DDR2: variants seen among roughly 807,000 people sequenced by gnomAD.
The protein encoded by DDR2 is discoidin domain-containing receptor 2.
DDR2 carries 27 observed loss-of-function variants against 94.9 expected under a neutral mutation model. That is an observed-to-expected ratio of 0.28 (90% CI 0.21 to 0.39). The LOEUF (loss-of-function observed/expected upper bound fraction) is 0.39. DDR2 is among the 10% of genes least tolerant of loss of function. The pLI is 1.00. For synonymous variants in DDR2, 382 were observed against 377.2 expected (o/e 1.01, Z -0.15); for missense variants, 783 against 1,076.0 (o/e 0.73, Z 3.81).
At chr1:162,672,755 G>A (rs968143117) in intron 2 of DDR2, among the ~76,000 whole-genome samples, 2 of 152,130 alleles carry the variant, frequency 1.3e-5, no homozygotes, top group African/African-American at 4.8e-5. Context: ...CATTAATCAT[G>A]AGATACAGTT....
At position 162,778,698 on chromosome 1, in the gene DDR2, C is replaced by T. The variant is rs565955901; in HGVS notation, c.2402C>T (p.Thr801Ile). The T allele has an allele frequency of 2.9e-5, 46 of 1,613,904 alleles. No individual in the cohort carries two copies. In the South Asian group the frequency reaches 5.1e-4, roughly 18 times the overall value. Residue 801 changes from threonine (T) to isoleucine (I), a missense_variant, in exon 17 of 18, where the codon ACT becomes ATT. By Grantham distance (89) the Thr-to-Ile change is moderately conservative. Around this residue, in one of 2 missense-constraint regions of DDR2, gnomAD observed 264 missense variants for 428.2 expected, o/e 0.62. Transcript: ENST00000367921. ...QLSDEQVIEN[T>I]GEFFRDQGRQ... is the part of the protein sequence containing the mutation. Reference sequence around the variant, plus strand: ...TCAGATGAACAGGTTATTGAGAATACTGGAGAGTTCTTCCGAGACCAAGGG... The same window carrying T: ...TCAGATGAACAGGTTATTGAGAATATTGGAGAGTTCTTCCGAGACCAAGGG...
chr1:162,726,032 T>C (rs1408038447), intron 3 of DDR2, among the ~76,000 whole-genome samples: 2 of 152,208 alleles, frequency 1.3e-5, no homozygotes, highest in Non-Finnish European at 2.9e-5. Context: ...TGGACGAGCA[T>C]GGTCAGAGTT....
At chr1:162,650,941 G>A (rs1003220375) in intron 1 of DDR2, among the ~76,000 whole-genome samples, 1 of 151,992 alleles carries the variant, frequency 6.6e-6, no homozygotes, top group African/African-American at 2.4e-5. Flanking sequence ...GTTGGCCAAG[G>A]TGGTCTTGAA....
chr1:162,647,267 A>G (rs983245449), intron 1 of DDR2, among the ~76,000 whole-genome samples: 2 of 152,188 alleles, frequency 1.3e-5, no homozygotes, highest in Non-Finnish European at 2.9e-5. Context: ...TCTAAAACTA[A>G]AGTCAATTGA....
chr1:162,689,830 C>A, intron 2 of DDR2, among the ~76,000 whole-genome samples: 1 of 19,248 alleles, frequency 5.2e-5, no homozygotes. Flanking sequence ...ATGGTGAAAC[C>A]CCATCTCTAC....
chr1:162,749,992 G>A (rs1410863035), intron 3 of DDR2, among the ~76,000 whole-genome samples: 1 of 151,846 alleles, frequency 6.6e-6, no homozygotes, highest in Non-Finnish European at 1.5e-5. Context: ...AGTAAACTAG[G>A]TATTGATGGT....
intron 2 of DDR2, among the ~76,000 whole-genome samples, chr1:162,678,232 G>A (rs1185140625): frequency 7.9e-6 from 1 of 126,860 alleles, no homozygotes; most frequent in African/African-American, 2.8e-5. Flanking sequence ...ACCTACTAGT[G>A]TGACCTTGGG....
rs762182721 is a variant in DDR2 at position 162,754,710 on chromosome 1, T to C, written c.272T>C (p.Leu91Ser). Residue 91 changes from leucine to serine, a missense_variant, in exon 5 of 18, where the codon TTG becomes TCG. By Grantham distance (145) the Leu-to-Ser change is moderately radical (BLOSUM62 -2). This residue lies in a region of DDR2 where 519 missense variants were observed against 647.9 expected (regional missense o/e 0.80). Coordinates refer to ENST00000367921, the MANE Select transcript of DDR2 (RefSeq NM_006182.4). ...CTGAAGGAGTTTCTGCAGATTGACTTGCACACCCTCCATTTTATCACTCTG... is the reference window on the plus strand; with the variant it reads ...CTGAAGGAGTTTCTGCAGATTGACTCGCACACCCTCCATTTTATCACTCTG... ...DDLKEFLQID[L>S]HTLHFITLVG... is the part of the protein sequence containing the mutation. The C allele has an allele frequency of 6.2e-7, 1 of 1,614,086 alleles. No homozygotes were observed. The highest frequency in any genetic ancestry group is 1.1e-5 in the South Asian group (1 of 91,078).
chr1:162,661,104 C>T (rs10917583), intron 2 of DDR2, among the ~76,000 whole-genome samples: 122,274 of 152,194 alleles, frequency 0.8, 50,522 homozygotes, highest in Middle Eastern at 0.92. Context: ...CCAGGCAACC[C>T]ACAAAGGGTC....
At chr1:162,767,147 T>C (rs1259614968) in intron 10 of DDR2, 82 bp from the exon 11 acceptor site, 1 of 1,591,286 alleles carries the variant, frequency 6.3e-7, no homozygotes, top group East Asian at 2.2e-5. Context: ...AGGGTCTACC[T>C]CCATGTTTCC....
rs1489562336 is a variant in DDR2, at chr1:162,754,644, A to T, written c.206A>T (p.Asp69Val). 1 of 1,613,930 alleles carries T rather than the reference A, an allele frequency of 6.2e-7. No homozygotes were observed. The highest frequency in any genetic ancestry group is 2.2e-5 in the East Asian group (1 of 44,882). Residue 69 changes from aspartate to valine, a missense_variant, in exon 5 of 18, where the codon GAT becomes GTT. Asp to Val is a radical substitution (Grantham distance 152). This residue lies in a region of DDR2 where 519 missense variants were observed against 647.9 expected (regional missense o/e 0.80). Coordinates refer to ENST00000367921, the MANE Select transcript of DDR2 (RefSeq NM_006182.4). The part of the protein sequence containing the change: ...KYGRLDSEEG[D>V]GAWCPEIPVE... ...TCAAGGCTGGACTCAGAAGAAGGGG[A>T]TGGAGCCTGGTGCCCTGAGATTCCA...
intron 1 of DDR2, among the ~76,000 whole-genome samples, chr1:162,647,816 G>A (rs560034217): frequency 1.1e-4 from 17 of 152,292 alleles, no homozygotes; most frequent in African/African-American, 4.1e-4. Context: ...CACCATCTTG[G>A]TTTTGGTGGG....
chr1:162,713,935 G>T (rs1234833905), intron 2 of DDR2, among the ~76,000 whole-genome samples: 1 of 152,118 alleles, frequency 6.6e-6, no homozygotes, highest in African/African-American at 2.4e-5. Flanking sequence ...AGCAGAGTAT[G>T]AGAGTATGCA....
chr1:162,635,505 A>T (rs1352380709), intron 1 of DDR2, among the ~76,000 whole-genome samples: 1 of 152,168 alleles, frequency 6.6e-6, no homozygotes, highest in Non-Finnish European at 1.5e-5. Context: ...AGACATGCTA[A>T]CATTCTTGTG....
rs115136717 is a variant in DDR2, at chr1:162,733,834, C to T, written c.82+14689C>T. ...AAGCACAAGAGTAACAGAAAATCTC[C>T]GTTGGAGTTTGTTACTTAATAGAGC... On this transcript the variant is annotated intron_variant, in intron 3 of 17. Coordinates refer to ENST00000367921, the MANE Select transcript of DDR2 (RefSeq NM_006182.4). 8.8e-3 allele frequency among the ~76,000 whole-genome samples: 1,338 copies of T among 152,196 alleles called. 22 individuals are homozygous for T. The highest frequency in any genetic ancestry group is 0.031 in the African/African-American group (1,280 of 41,528).
chr1:162,750,859 G>A lies in DDR2; in HGVS notation c.83-2236G>A, dbSNP rs573173752. Among the ~76,000 whole-genome samples the A allele has an allele frequency of 5.3e-5, 8 of 152,260 alleles. No homozygotes were observed. In the South Asian group the frequency reaches 1.7e-3, roughly 32 times the overall value. On this transcript the variant is annotated intron_variant, in intron 3 of 17. Coordinates refer to ENST00000367921, the MANE Select transcript of DDR2 (RefSeq NM_006182.4). The stretch of plus-strand genomic sequence containing the variant: ...TAATACCACACATCTACAACCATCT[G>A]ATCTTTGACAAACCTGACAAAAACA...
At chr1:162,668,054 A>G (rs1282126838) in intron 2 of DDR2, among the ~76,000 whole-genome samples, 1 of 152,198 alleles carries the variant, frequency 6.6e-6, no homozygotes, top group African/African-American at 2.4e-5. Flanking sequence ...GGATAAGGCC[A>G]GTAGTAGGGT....
intron 11 of DDR2, among the ~76,000 whole-genome samples, chr1:162,768,946 C>T (rs543460646): frequency 1.1e-3 from 160 of 152,184 alleles, no homozygotes; most frequent in African/African-American, 3.6e-3. Flanking sequence ...TGAGGTATTC[C>T]AGAGTGAGGG....
At chr1:162,704,577 G>A (rs1329521622) in intron 2 of DDR2, among the ~76,000 whole-genome samples, 1 of 152,148 alleles carries the variant, frequency 6.6e-6, no homozygotes, top group Non-Finnish European at 1.5e-5. Context: ...GCAGATTCAG[G>A]GTCTGGTTAG....
Sources: allele counts gnomAD v4.1 joint callset (sites outside exome capture counted in the v4.1 genomes callset), GRCh38; gene constraint gnomAD v4.1.1; regional missense constraint gnomAD v4.1.1; transcripts MANE v1.5; gene names NCBI Gene and HGNC (gene_info 2026-07-23, HGNC 2026-07-21).